C14orf39: variants seen among roughly 807,000 people sequenced by gnomAD.
C14orf39 encodes the protein chromosome 14 open reading frame 39, also known as protein SIX6OS1.
Under a neutral mutation model 85.6 loss-of-function variants are expected in C14orf39, and 66 were observed. That is an observed-to-expected ratio of 0.77 (90% CI 0.63 to 0.95). The LOEUF (loss-of-function observed/expected upper bound fraction) is 0.95, where lower values mean the gene tolerates loss of function less well. Ranked by LOEUF, C14orf39 falls within the 40% of genes least tolerant of loss-of-function variation. The probability of loss-of-function intolerance (pLI) is 0.00; values close to 1 mark genes in which losing one functional copy is unlikely to be tolerated. For synonymous variants in C14orf39, 242 were observed against 214.0 expected (o/e 1.13, Z -1.14); for missense variants, 735 against 663.9 (o/e 1.11, Z -1.18).
At chr14:60,451,920 C>T (rs1366183944) in intron 16 of C14orf39, among the ~76,000 whole-genome samples, 1 of 151,800 alleles carries the variant, frequency 6.6e-6, no homozygotes, top group Non-Finnish European at 1.5e-5. Flanking sequence ...TGGTGGCTCA[C>T]GCCTGTAATC....
intron 13 of C14orf39, 77 bp downstream of exon 13, chr14:60,461,277 A>G (rs1472119999): frequency 1.6e-6 from 2 of 1,271,556 alleles, no homozygotes; most frequent in African/African-American, 1.5e-5. Context: ...AATCGAAACA[A>G]TTTATTTGAC....
intron 15 of C14orf39, among the ~76,000 whole-genome samples, 159 bp from the exon 16 acceptor site, chr14:60,455,304 A>G (rs1313299667): frequency 2.6e-5 from 4 of 152,206 alleles, no homozygotes; most frequent in East Asian, 1.9e-4. Context: ...GGATTGTATG[A>G]GGTGGAGACT....
Position 60,492,942 on chromosome 14 carries a change from G to A in C14orf39, c.-9+6354C>T, listed in dbSNP as rs577458108. Among the ~76,000 whole-genome samples the A allele has an allele frequency of 6.6e-5, 10 of 152,044 alleles. No individual in the cohort carries two copies. The South Asian group carries it at 8.3e-4, about 13-fold the overall frequency. ...AACGAAATTTTTTTTAAATTAGTACGTGAACCTGTGATAGAAAACATGCCT... is the reference window on the plus strand; with the variant it reads ...AACGAAATTTTTTTTAAATTAGTACATGAACCTGTGATAGAAAACATGCCT... On this transcript the variant is annotated intron_variant, in intron 2 of 5. Coordinates refer to the C14orf39 transcript ENST00000556799.
At chr14:60,455,355 T>C (rs980063828) in intron 15 of C14orf39, among the ~76,000 whole-genome samples, 1 of 152,040 alleles carries the variant, frequency 6.6e-6, no homozygotes, top group Non-Finnish European at 1.5e-5. Context: ...TTACTTATTC[T>C]TCACAAGAAC....
intron 8 of C14orf39, 78 bp downstream of exon 8, chr14:60,469,455 C>T (rs1891960173): frequency 3.6e-6 from 2 of 552,728 alleles, no homozygotes; most frequent in Non-Finnish European, 5.5e-6. Flanking sequence ...AAAAATAGCT[C>T]TTCTAAAACT....
intron 1 of C14orf39, chr14:60,511,037 G>A: frequency 6.3e-7 from 1 of 1,593,898 alleles, no homozygotes. Flanking sequence ...CGGGCGACGG[G>A]CGGCTGTGTT....
intron 1 of C14orf39, among the ~76,000 whole-genome samples, chr14:60,514,597 T>C (rs761242338): frequency 4.6e-5 from 7 of 152,140 alleles, no homozygotes; most frequent in Non-Finnish European, 7.3e-5. Flanking sequence ...CCTTCGCCAG[T>C]TTGTTTATAA....
chr14:60,469,479 C>A, intron 8 of C14orf39, 54 bp downstream of exon 8: 1 of 752,838 alleles, frequency 1.3e-6, no homozygotes, highest in Admixed American at 3.7e-5. Flanking sequence ...AACTAACATA[C>A]CATTATACTT....
Position 60,456,933 on chromosome 14 carries a change from T to A in C14orf39, c.1342A>T (p.Thr448Ser). 1 of 1,565,678 alleles carries A rather than the reference T, an allele frequency of 6.4e-7. No individual in the cohort carries two copies. The highest frequency in any genetic ancestry group is 1.2e-5 in the South Asian group (1 of 82,652). Residue 448 changes from threonine to serine, a missense_variant, in exon 15 of 18, where the codon ACC becomes TCC. Physicochemically the swap from Thr to Ser is moderately conservative, Grantham distance 58. Transcript: ENST00000321731. ...ESLEKIKFPK[T>S]PPFEINRNRN... ...AAATCCTACATTTCGAACGGGGGGG[T>A]TTTAGGGAATTTTATTTTCTCCAAT...
Position 60,483,795 on chromosome 14 carries a change from T to C in C14orf39, c.129A>G (p.Glu43=), listed in dbSNP as rs759593009. 8 of 1,521,782 alleles carry C rather than the reference T, an allele frequency of 5.3e-6. No individual in the cohort carries two copies. The East Asian group carries it at 1.6e-4, about 30-fold the overall frequency. 94.3% of individuals were successfully genotyped at this position (1,521,782 alleles called of 1,614,324 possible). A position where few individuals can be genotyped will look rare whatever the true frequency, so the allele number is the denominator to read the frequency against. ...RINKCCEDIK[E]NKVTICRIHE... ...GTATCCTACAAATAGTTACTTTGTT[T>C]TCCTTAATATCTTCACAGCATTCTA... The change falls in exon 4 of 18, where the codon GAA becomes GAG. Residue 43 remains glutamate, a synonymous_variant. Coordinates refer to ENST00000321731, the MANE Select transcript of C14orf39 (RefSeq NM_174978.3).
chr14:60,489,283 G>C (rs1032012517), upstream of C14orf39, among the ~76,000 whole-genome samples: 3 of 152,156 alleles, frequency 2.0e-5, no homozygotes, highest in Non-Finnish European at 4.4e-5. Flanking sequence ...AATCTTTGCA[G>C]TCAGGCAGAT....
rs760258384 is a variant in C14orf39, at chr14:60,455,161, T to A, written c.1359-16A>T. ...ATTTCTGTTACTGAGAAATAAGAAA[T>A]TATCAAAATGTTAAAAATCTATTAT... On this transcript the variant is annotated splice_polypyrimidine_tract_variant and intron_variant, in intron 15 of 17. Coordinates refer to ENST00000321731, the MANE Select transcript of C14orf39 (RefSeq NM_174978.3). 36 of 1,520,940 alleles carry A rather than the reference T, an allele frequency of 2.4e-5. No individual in the cohort carries two copies. In the Middle Eastern group the frequency reaches 5.3e-4, roughly 22 times the overall value. 94.2% of individuals were successfully genotyped at this position (1,520,940 alleles called of 1,614,324 possible).
upstream of C14orf39, among the ~76,000 whole-genome samples, chr14:60,490,441 A>C (rs1471999488): frequency 2.9e-5 from 1 of 34,352 alleles, no homozygotes; most frequent in Non-Finnish European, 1.0e-4. Context: ...CCATCTCTAT[A>C]AATAAATAAA....
chr14:60,485,622 G>T (rs1892849143), intron 1 of C14orf39, among the ~76,000 whole-genome samples: 1 of 152,190 alleles, frequency 6.6e-6, no homozygotes, highest in Admixed American at 6.5e-5. Flanking sequence ...TACGGCATAC[G>T]CCTGAGGCGG....
chr14:60,456,931 G>T lies in C14orf39; in HGVS notation c.1344C>A (p.Thr448=), dbSNP rs749546937. Reference sequence around the variant, plus strand: ...TAAAATCCTACATTTCGAACGGGGGGGTTTTAGGGAATTTTATTTTCTCCA... The same window carrying T: ...TAAAATCCTACATTTCGAACGGGGGTGTTTTAGGGAATTTTATTTTCTCCA... ...ESLEKIKFPK[T]PPFEINRNRN... The change falls in exon 15 of 18, where the codon ACC becomes ACA. Residue 448 remains threonine, a synonymous_variant. Transcript: ENST00000321731. The T allele has an allele frequency of 3.7e-5, 58 of 1,567,602 alleles. No individual in the cohort carries two copies. Among genetic ancestry groups the T allele is most frequent in the African/African-American group, 5.6e-5 (4 of 71,750 alleles).
At chr14:60,463,983 A>T (rs1459251269) in intron 11 of C14orf39, among the ~76,000 whole-genome samples, 1 of 152,166 alleles carries the variant, frequency 6.6e-6, no homozygotes, top group Non-Finnish European at 1.5e-5. Context: ...TACTTTAAAA[A>T]ACAAAGAAAC....
intron 11 of C14orf39, among the ~76,000 whole-genome samples, chr14:60,464,286 C>T (rs967558863): frequency 6.6e-5 from 10 of 152,112 alleles, no homozygotes; most frequent in African/African-American, 1.9e-4. Flanking sequence ...TGAGATGATG[C>T]TATCAGTCCT....
chr14:60,453,533 C>T (rs959812844), intron 16 of C14orf39, among the ~76,000 whole-genome samples: 1 of 151,290 alleles, frequency 6.6e-6, no homozygotes, highest in Non-Finnish European at 1.5e-5. Flanking sequence ...TGAGTGTTAG[C>T]CCATTCACAA....
intron 4 of C14orf39, among the ~76,000 whole-genome samples, chr14:60,482,036 T>C (rs527997254): frequency 6.6e-6 from 1 of 152,346 alleles, no homozygotes; most frequent in African/African-American, 2.4e-5. Context: ...ATTTTTCTAG[T>C]ACTTTCATAG....
Sources: gnomAD v4.1 joint callset for allele counts (sites outside exome capture counted in the v4.1 genomes callset) on GRCh38, gnomAD v4.1.1 for gene constraint, MANE v1.5 for transcripts, NCBI Gene and HGNC (gene_info 2026-07-23, HGNC 2026-07-21) for gene names.